The following ARFGEF2 variants were observed in gnomAD, a reference collection of about 807,000 sequenced individuals.
ARFGEF2 encodes brefeldin A-inhibited guanine nucleotide-exchange protein 2.
In ARFGEF2, 74 loss-of-function variants were observed where a neutral mutation model predicts 219.9. The ratio of observed to expected loss-of-function variants is 0.34; its 90% CI spans 0.28 to 0.41. The LOEUF (loss-of-function observed/expected upper bound fraction) is 0.41. Among genes scored for constraint, ARFGEF2 ranks in the 10% least tolerant of loss-of-function variants. ARFGEF2 has a pLI of 1.00. For missense variants in ARFGEF2, 1,743 were observed against 2,218.3 expected, an observed-to-expected ratio of 0.79 and a Z score of 4.30; for synonymous variants, 733 against 799.2, an observed-to-expected ratio of 0.92 and a Z score of 1.40.
At chr20:49,023,218 C>A in intron 35 of ARFGEF2, 37 bp downstream of exon 35, 1 of 1,612,884 alleles carries the variant, frequency 6.2e-7, no homozygotes, top group South Asian at 1.1e-5. Context: ...CATCCCTGTC[C>A]ATAGGGAGGT....
chr20:48,928,192 CTTTTTTTTT>C lies in ARFGEF2; in HGVS notation c.121+6198_121+6206del, dbSNP rs747462352. Among the ~76,000 whole-genome samples, 260 of 104,780 alleles carry C rather than the reference CTTTTTTTTT, an allele frequency of 2.5e-3. 1 individual carries two copies. Among genetic ancestry groups the C allele is most frequent in the African/African-American group, 9.7e-3 (246 of 25,450 alleles). The allele number at this position is 104,780 out of a possible 152,430, so 68.7% of individuals were successfully genotyped here. A position where few individuals can be genotyped will look rare whatever the true frequency, so the allele number is the denominator to read the frequency against. On this transcript the variant is annotated intron_variant, in intron 1 of 38. Transcript: ENST00000371917. Reference sequence around the variant, plus strand: ...AATTCAGAGGCATTGGTGTTGCAATCTTTTTTTTTTTTTTTTTTTTTTTTGAGACGGAGT... The same window carrying C: ...AATTCAGAGGCATTGGTGTTGCAATCTTTTTTTTTTTTTTTGAGACGGAGT...
At chr20:48,957,336 C>G (rs1446455183) in intron 6 of ARFGEF2, among the ~76,000 whole-genome samples, 1 of 152,182 alleles carries the variant, frequency 6.6e-6, no homozygotes, top group Non-Finnish European at 1.5e-5. Context: ...AATTCAGGAT[C>G]TGTTAGGAAG....
At chr20:48,971,017 T>G in intron 9 of ARFGEF2, 103 bp from the exon 10 acceptor site, 1 of 966,600 alleles carries the variant, frequency 1.0e-6, no homozygotes, top group Non-Finnish European at 1.6e-6. Flanking sequence ...TATTAATTCT[T>G]TAAAATTCTA....
chr20:48,931,788 A>C (rs2090915036), intron 1 of ARFGEF2, among the ~76,000 whole-genome samples: 1 of 152,252 alleles, frequency 6.6e-6, no homozygotes, highest in Non-Finnish European at 1.5e-5. Context: ...AGGTGAGAGC[A>C]GAGGGATAGC....
intron 30 of ARFGEF2, among the ~76,000 whole-genome samples, chr20:49,014,977 G>A (rs1467552796): frequency 6.6e-6 from 1 of 152,156 alleles, no homozygotes; most frequent in African/African-American, 2.4e-5. Flanking sequence ...ACCCACACAT[G>A]CATTTGTGAT....
chr20:48,957,513 G>T (rs535803345), intron 6 of ARFGEF2, among the ~76,000 whole-genome samples: 29 of 152,208 alleles, frequency 1.9e-4, no homozygotes, highest in Non-Finnish European at 4.3e-4. Flanking sequence ...ATCAGTAGTG[G>T]TGGTGATATC....
intron 1 of ARFGEF2, among the ~76,000 whole-genome samples, chr20:48,925,233 C>G (rs2090869600): frequency 6.6e-6 from 1 of 152,196 alleles, no homozygotes. Context: ...TAAATAGGGA[C>G]TGCCCAAGTA....
chr20:48,983,473 C>T (rs2123448414), intron 14 of ARFGEF2, among the ~76,000 whole-genome samples: 1 of 152,356 alleles, frequency 6.6e-6, no homozygotes, highest in South Asian at 2.1e-4. Context: ...ATTCTGCCCA[C>T]AGCAGCTAAA....
rs1194807054 is a variant in ARFGEF2, at chr20:48,936,243, G to GC, written c.122-4955dup. Among the ~76,000 whole-genome samples the GC allele has an allele frequency of 1.5e-4, 22 of 147,782 alleles. 1 individual carries two copies. In the South Asian group the frequency reaches 4.7e-3, roughly 32 times the overall value. The stretch of plus-strand genomic sequence containing the variant: ...CCTCCCGGACGGGGCGGCTGGCCGG[G>GC]CGGGGGGCTGACCCCCCCACCCCTG... On this transcript the variant is annotated intron_variant, in intron 1 of 38. Coordinates refer to ENST00000371917, the MANE Select transcript of ARFGEF2 (RefSeq NM_006420.3).
intron 3 of ARFGEF2, among the ~76,000 whole-genome samples, chr20:48,943,617 C>G (rs547063503): frequency 1.1e-4 from 16 of 152,238 alleles, no homozygotes; most frequent in Middle Eastern, 6.8e-3. Flanking sequence ...GTTGCCCAGG[C>G]TGTAGTGCAG....
At chr20:48,969,060 A>C in intron 8 of ARFGEF2, 87 bp from the exon 9 acceptor site, 1 of 1,432,604 alleles carries the variant, frequency 7.0e-7, no homozygotes, top group Non-Finnish European at 9.7e-7. Context: ...TCCTCGGCTC[A>C]GTGGATCCTC....
chr20:48,986,017 G>A (rs2091324654), intron 16 of ARFGEF2, among the ~76,000 whole-genome samples: 2 of 152,144 alleles, frequency 1.3e-5, no homozygotes, highest in African/African-American at 4.8e-5. Context: ...CTGATGAGCA[G>A]GTTACAGAAA....
In ARFGEF2 at chr20:48,927,967, A is replaced by G. The variant is rs958038175; in HGVS notation, c.121+5957A>G. ...TTCTTGATTATTGAAAAGCATTTAT[A>G]TGTAGGATTGGCAGAGAGTTGATTG... On this transcript the variant is annotated intron_variant, in intron 1 of 38. Coordinates refer to ENST00000371917, the MANE Select transcript of ARFGEF2 (RefSeq NM_006420.3). 7.2e-5 allele frequency among the ~76,000 whole-genome samples: 11 copies of G among 152,280 alleles called. No homozygotes were observed. In the South Asian group the frequency reaches 1.9e-3, roughly 26 times the overall value.
At chr20:48,973,890 T>C (rs2091244067) in intron 12 of ARFGEF2, among the ~76,000 whole-genome samples, 1 of 152,128 alleles carries the variant, frequency 6.6e-6, no homozygotes, top group Admixed American at 6.6e-5. Context: ...ATATTTGCAA[T>C]TTTTTTAGAT....
Position 48,985,437 on chromosome 20 carries a change from C to T in ARFGEF2, c.2100C>T (p.Ser700=), listed in dbSNP as rs145085689. The change falls in exon 16 of 39, where the codon AGC becomes AGT. Residue 700 remains serine, a synonymous_variant. Transcript: ENST00000371917. The part of the protein sequence containing the change: ...STQVGDFLGD[S]ARFNKEVMYA... Reference sequence around the variant, plus strand: ...AAGTAGGCGATTTTCTGGGAGATAGCGCAAGGTTCAACAAGGAGGTGATGT... The same window carrying T: ...AAGTAGGCGATTTTCTGGGAGATAGTGCAAGGTTCAACAAGGAGGTGATGT... 87 of 1,613,956 alleles carry T rather than the reference C, an allele frequency of 5.4e-5. No homozygotes were observed. The African/African-American group carries it at 8.5e-4, about 16-fold the overall frequency.
Position 48,995,776 on chromosome 20 carries a change from G to A in ARFGEF2, c.3122-7G>A. ...AAGTACTGCTGATTTTGTGCATTGT[G>A]TTTCAGGTAATTTGGTGAGTGGCGG... On this transcript the variant is annotated splice_polypyrimidine_tract_variant and splice_region_variant and intron_variant, in intron 22 of 38. Transcript: ENST00000371917. 1 of 1,613,656 alleles carries A rather than the reference G, an allele frequency of 6.2e-7. No individual in the cohort carries two copies. Among genetic ancestry groups the A allele is most frequent in the Non-Finnish European group, 8.5e-7 (1 of 1,179,592 alleles).
chr20:49,013,876 C>T lies in ARFGEF2; in HGVS notation c.4095C>T (p.Thr1365=). ...MFEIMKSYGH[T]FEKHWWQDLF... is the part of the protein sequence containing the mutation. ...AGATCATGAAGAGCTATGGCCACAC[C>T]TTTGAAAAGCACTGGTGGCAGGACC... Residue 1365 remains threonine (T), a synonymous_variant, in exon 30 of 39, where the codon ACC becomes ACT. Coordinates refer to ENST00000371917, the MANE Select transcript of ARFGEF2 (RefSeq NM_006420.3). 6.2e-7 allele frequency: 1 copy of T among 1,614,064 alleles called. No homozygotes were observed. Among genetic ancestry groups the T allele is most frequent in the Non-Finnish European group, 8.5e-7 (1 of 1,180,012 alleles).
rs61748373 is a variant in ARFGEF2, at chr20:48,995,838, G to A, written c.3177G>A (p.Ser1059=). ...DKRQMASFQE[S]VGETSSQSVV... Reference sequence around the variant, plus strand: ...GACAGATGGCCAGCTTCCAAGAATCGGTTGGTGAGACCAGCTCGCAGAGTG... The same window carrying A: ...GACAGATGGCCAGCTTCCAAGAATCAGTTGGTGAGACCAGCTCGCAGAGTG... The change falls in exon 23 of 39, where the codon TCG becomes TCA. Residue 1059 remains serine, a synonymous_variant. Transcript: ENST00000371917. The A allele has an allele frequency of 0.01, 16,754 of 1,614,148 alleles. 98 individuals carry two copies. Among genetic ancestry groups the A allele is most frequent in the Non-Finnish European group, 0.012 (14,171 of 1,180,012 alleles).
intron 3 of ARFGEF2, among the ~76,000 whole-genome samples, chr20:48,943,314 T>C (rs1016413426): frequency 6.6e-6 from 1 of 152,196 alleles, no homozygotes; most frequent in Admixed American, 6.5e-5. Flanking sequence ...TAAATTTTAG[T>C]GAGTAGGTGC....
Sources: allele counts gnomAD v4.1 joint callset (sites outside exome capture counted in the v4.1 genomes callset), GRCh38; gene constraint gnomAD v4.1.1; transcripts MANE v1.5; gene names NCBI Gene and HGNC (gene_info 2026-07-23, HGNC 2026-07-21).